Variants in NRXN3 observed in about 807,000 individuals in gnomAD.
NRXN3 encodes neurexin 3, also known as neurexin III.
In NRXN3, 32 loss-of-function variants were observed where a neutral mutation model predicts 137.6. That is an observed-to-expected ratio of 0.23 (90% CI 0.18 to 0.31). NRXN3 has a LOEUF of 0.31. NRXN3 is among the 10% of genes least tolerant of loss of function. The pLI is 1.00. For missense variants in NRXN3, 1,574 were observed against 2,062.5 expected (o/e 0.76, Z 4.59); for synonymous variants, 798 against 784.5 (o/e 1.02, Z -0.29).
chr14:79,184,142 G>T (rs12436796), intron 15 of NRXN3, among the ~76,000 whole-genome samples: 5,282 of 152,218 alleles, frequency 0.035, 238 homozygotes, highest in East Asian at 0.22. Context: ...TAGTGTCAAA[G>T]AATTGATTAG....
intron 20 of NRXN3, among the ~76,000 whole-genome samples, chr14:79,818,896 A>G (rs2099261773): frequency 6.6e-6 from 1 of 152,248 alleles, no homozygotes; most frequent in South Asian, 2.1e-4. Context: ...TGAGGATTCC[A>G]TTACAAATTA....
chr14:79,558,283 G>A (rs766835803), intron 16 of NRXN3, among the ~76,000 whole-genome samples: 2 of 152,100 alleles, frequency 1.3e-5, no homozygotes, highest in Non-Finnish European at 2.9e-5. Flanking sequence ...ATCTAGAATG[G>A]TGAATCCTTT....
intron 3 of NRXN3, among the ~76,000 whole-genome samples, chr14:78,289,501 C>T (rs1412866251): frequency 1.3e-5 from 2 of 152,246 alleles, no homozygotes; most frequent in African/African-American, 2.4e-5. Flanking sequence ...TCTCCTACAA[C>T]CTCATTCTGA....
intron 15 of NRXN3, among the ~76,000 whole-genome samples, chr14:79,460,696 C>T (rs1279681244): frequency 6.6e-6 from 1 of 152,150 alleles, no homozygotes; most frequent in African/African-American, 2.4e-5. Context: ...AATTATTCTT[C>T]CTTCAACAGA....
chr14:78,275,810 A>T (rs1420112831), intron 2 of NRXN3, among the ~76,000 whole-genome samples: 1 of 152,172 alleles, frequency 6.6e-6, no homozygotes, highest in Non-Finnish European at 1.5e-5. Flanking sequence ...TTTCCCTGGA[A>T]AACAGCTGAG....
At chr14:79,734,259 C>T (rs1246380042) in intron 19 of NRXN3, among the ~76,000 whole-genome samples, 1 of 152,150 alleles carries the variant, frequency 6.6e-6, no homozygotes, top group African/African-American at 2.4e-5. Flanking sequence ...TCTGTGTAAA[C>T]TCTGGAATTC....
At chr14:78,398,444 T>C (rs1249901247) in intron 4 of NRXN3, among the ~76,000 whole-genome samples, 1 of 152,080 alleles carries the variant, frequency 6.6e-6, no homozygotes, top group African/African-American at 2.4e-5. Context: ...GAAAGGTGGT[T>C]GGGGGAACCA....
At chr14:79,491,610 CA>C (rs1457018452) in intron 16 of NRXN3, among the ~76,000 whole-genome samples, 1 of 145,354 alleles carries the variant, frequency 6.9e-6, no homozygotes, top group Admixed American at 6.7e-5. Flanking sequence ...CAAAAAAAAG[CA>C]AAAACAAAAA....
chr14:79,573,629 G>C (rs1186470098), intron 16 of NRXN3, among the ~76,000 whole-genome samples: 1 of 152,096 alleles, frequency 6.6e-6, no homozygotes, highest in Non-Finnish European at 1.5e-5. Context: ...CCTTTGCCTT[G>C]TGGCTTTTGT....
intron 10 of NRXN3, among the ~76,000 whole-genome samples, chr14:78,894,978 A>ATCC (rs1428008257): frequency 1.3e-5 from 2 of 151,634 alleles, no homozygotes; most frequent in Non-Finnish European, 2.9e-5. Flanking sequence ...ATGTACTGTC[A>ATCC]TCCAGGCTTT....
At chr14:79,062,263 C>G (rs758798902) in intron 15 of NRXN3, among the ~76,000 whole-genome samples, 6 of 152,038 alleles carry the variant, frequency 3.9e-5, no homozygotes, top group Non-Finnish European at 8.8e-5. Flanking sequence ...TTGCCAATTT[C>G]CCTCTCATGC....
chr14:78,387,282 A>ATT (rs1270740019), intron 4 of NRXN3, among the ~76,000 whole-genome samples: 1 of 152,132 alleles, frequency 6.6e-6, no homozygotes, highest in Admixed American at 6.5e-5. Context: ...AAAGTATTTG[A>ATT]TTTTTTTGGG....
chr14:78,987,998 TCCC>T, intron 14 of NRXN3, 21 bp from the exon 15 acceptor site: 3 of 1,593,418 alleles, frequency 1.9e-6, no homozygotes, highest in Admixed American at 1.8e-5. Flanking sequence ...TTTCTTTTTT[TCCC>T]CTCTTCTTGT....
chr14:79,670,781 A>G (rs560122907), intron 17 of NRXN3, among the ~76,000 whole-genome samples: 1 of 152,240 alleles, frequency 6.6e-6, no homozygotes, highest in South Asian at 2.1e-4. Context: ...ATGAATAATA[A>G]TTGTACCTGC....
At chr14:79,183,466 T>C (rs1409634667) in intron 15 of NRXN3, among the ~76,000 whole-genome samples, 1 of 152,198 alleles carries the variant, frequency 6.6e-6, no homozygotes, top group Non-Finnish European at 1.5e-5. Context: ...GAGAACCCCA[T>C]AGTACAAAGT....
At chr14:78,785,048 T>C (rs909099743) in intron 8 of NRXN3, among the ~76,000 whole-genome samples, 1 of 152,168 alleles carries the variant, frequency 6.6e-6, no homozygotes, top group Admixed American at 6.5e-5. Context: ...GAAAGTGATA[T>C]GATTAGATTG....
intron 19 of NRXN3, among the ~76,000 whole-genome samples, chr14:79,717,533 T>C (rs1203634137): frequency 2.0e-5 from 3 of 152,200 alleles, no homozygotes; most frequent in Non-Finnish European, 2.9e-5. Context: ...TTTTTCCCCC[T>C]CTGAACCTTC....
At chr14:79,547,192 G>A (rs944762480) in intron 16 of NRXN3, among the ~76,000 whole-genome samples, 2 of 152,140 alleles carry the variant, frequency 1.3e-5, no homozygotes, top group Non-Finnish European at 2.9e-5. Flanking sequence ...AATTTCTGAA[G>A]ATCGGGTGCT....
At chr14:79,163,705 C>T (rs2061021029) in intron 15 of NRXN3, among the ~76,000 whole-genome samples, 1 of 149,180 alleles carries the variant, frequency 6.7e-6, no homozygotes, top group East Asian at 1.9e-4. Context: ...GAATTACTGT[C>T]TGTTTGCTTA....
Sources: gnomAD v4.1 joint callset for allele counts (sites outside exome capture counted in the v4.1 genomes callset) on GRCh38, gnomAD v4.1.1 for gene constraint, MANE v1.5 for transcripts, NCBI Gene and HGNC (gene_info 2026-07-23, HGNC 2026-07-21) for gene names.